Variants in TTN observed in about 807,000 individuals in gnomAD.
TTN encodes the protein connectin.
Under a neutral mutation model 3,223.0 loss-of-function variants are expected in TTN, and 1,525 were observed. That is an observed-to-expected ratio of 0.47 (90% CI 0.45 to 0.49). TTN has a LOEUF of 0.49. Among genes scored for constraint, TTN ranks in the 20% least tolerant of loss-of-function variants. The pLI is 0.00. For missense variants in TTN, 40,786 were observed against 43,424.0 expected (o/e 0.94, Z 5.40); for synonymous variants, 14,094 against 15,161.0 (o/e 0.93, Z 5.17).
rs1017956154 is a variant in TTN at position 178,633,618 on chromosome 2, C to A, written c.42741G>T (p.Glu14247Asp). 6.2e-7 allele frequency: 1 copy of A among 1,613,200 alleles called. No individual in the cohort carries two copies. The highest frequency in any genetic ancestry group is 8.5e-7 in the Non-Finnish European group (1 of 1,179,578). Residue 14247 changes from glutamate (E) to aspartate (D), a missense_variant, in exon 232 of 363, where the codon GAG becomes GAT. Coordinates refer to ENST00000589042, the MANE Select transcript of TTN (RefSeq NM_001267550.2). ...TGCTCACTTCACACTTCAAAGTAAT[C>A]TCATCCTTCTCCACTGCAGTTTTGT... ...LHDKTAVEKD[E>D]ITLKCEVSKD...
At chr2:178,646,961 G>A (rs1426960774) in intron 215 of TTN, 103 bp downstream of exon 215, 1 of 390,512 alleles carries the variant, frequency 2.6e-6, no homozygotes, top group African/African-American at 2.1e-5. Context: ...GACTGCTCTT[G>A]TATATAATTT....
Position 178,531,022 on chromosome 2 carries a change from T to C in TTN, c.105593A>G (p.Asn35198Ser). 1 of 1,613,970 alleles carries C rather than the reference T, an allele frequency of 6.2e-7. No homozygotes were observed. The highest frequency in any genetic ancestry group is 8.5e-7 in the Non-Finnish European group (1 of 1,179,884). Residue 35198 changes from asparagine to serine, a missense_variant, in exon 358 of 363, where the codon AAT becomes AGT. Asn to Ser is a conservative substitution (Grantham distance 46, BLOSUM62 1). Coordinates refer to ENST00000589042, the MANE Select transcript of TTN (RefSeq NM_001267550.2). ...ACTGTTTTCTACCACCACGCTGTAA[T>C]TGCCCTCATCGGAAGCCTGGACTGA... is the stretch of plus-strand genomic sequence containing the variant. ...ISSVQASDEG[N>S]YSVVVENSEG...
In TTN at chr2:178,617,230, G is replaced by A. The variant is rs2057504360; in HGVS notation, c.47765C>T (p.Thr15922Ile). 3 of 1,543,886 alleles carry A rather than the reference G, an allele frequency of 1.9e-6. No individual in the cohort carries two copies. The East Asian group carries it at 7.2e-5, about 37-fold the overall frequency. The change falls in exon 255 of 363, where the codon ACC (threonine) becomes ATC (isoleucine). Residue 15922 changes from threonine to isoleucine, a missense_variant. Transcript: ENST00000589042. Reference sequence around the variant, plus strand: ...ATATTTATTTCCTTTTTCCAATCCGGTAACCTACGATTATGAATTAATATT... The same window carrying A: ...ATATTTATTTCCTTTTTCCAATCCGATAACCTACGATTATGAATTAATATT... ...KLVPELTYKVTGLEKGNKYLY... is the reference protein window; with the variant it reads ...KLVPELTYKVIGLEKGNKYLY...
In TTN at chr2:178,678,445, A is replaced by G. The variant is rs2154269106; in HGVS notation, c.33879T>C (p.Ala11293=). 6.3e-7 allele frequency: 1 copy of G among 1,596,868 alleles called. No individual in the cohort carries two copies. Among genetic ancestry groups the G allele is most frequent in the East Asian group, 2.3e-5 (1 of 44,322 alleles). The change falls in exon 144 of 363, where the codon GCT becomes GCC. Residue 11293 remains alanine (A), a synonymous_variant. Transcript: ENST00000589042. The stretch of plus-strand genomic sequence containing the variant: ...CAGGTGGAGCCTCCACTTTCTTAGG[A>G]GCAGGAACTGGCACCTTCTTCTCAG... The part of the protein sequence containing the change: ...PVPEKKVPVP[A]PKKVEAPPAK...
At position 178,712,681 on chromosome 2, in the gene TTN, G is replaced by A. The variant is rs915309849; in HGVS notation, c.27328+16C>T. The stretch of plus-strand genomic sequence containing the variant: ...AATTACTAATCGTATAAATCTAGAA[G>A]AGCAGTCTGACAAACCTTTTATGTA... On this transcript the variant is annotated intron_variant, in intron 94 of 362. Transcript: ENST00000589042. The A allele has an allele frequency of 2.5e-6, 4 of 1,609,676 alleles. No homozygotes were observed. In the Admixed American group the frequency reaches 5.0e-5, roughly 20 times the overall value.
rs1181982003 is a variant in TTN, at chr2:178,589,085, C to G, written c.62640G>C (p.Arg20880Ser). 1.9e-6 allele frequency: 3 copies of G among 1,610,044 alleles called. No individual in the cohort carries two copies. The highest frequency in any genetic ancestry group is 3.3e-5 in the Admixed American group (2 of 59,954). Residue 20880 changes from arginine to serine, a missense_variant, in exon 304 of 363, where the codon AGG becomes AGC. Arg to Ser is a moderately radical substitution (Grantham distance 110). Coordinates refer to ENST00000589042, the MANE Select transcript of TTN (RefSeq NM_001267550.2). ...NLKIVDVSSD[R>S]CTVCWDPPED... ...CTGGTGGATCCCAGCAAACAGTACA[C>G]CTATCACTGGACACATCAACAATTT...
chr2:178,769,028 G>T (rs2091025590), intron 37 of TTN, 95 bp from the exon 38 acceptor site: 2 of 1,402,186 alleles, frequency 1.4e-6, no homozygotes, highest in Admixed American at 1.8e-5. Context: ...AATGTTTTTA[G>T]TGCGTCTGTT....
chr2:178,599,246 C>T lies in TTN; in HGVS notation c.56547G>A (p.Leu18849=). 3 of 1,557,226 alleles carry T rather than the reference C, an allele frequency of 1.9e-6. No homozygotes were observed. The highest frequency in any genetic ancestry group is 4.5e-5 in the East Asian group (2 of 44,086). The part of the protein sequence containing the change: ...PKECTYTIPK[L]LEGHEYVFRI... ...GGAATACATATTCATGGCCTTCTAG[C>T]AATTTGGGAATCGTGTACGTGCACT... The change falls in exon 290 of 363, where the codon TTG becomes TTA. Residue 18849 remains leucine (L), a synonymous_variant. Transcript: ENST00000589042.
Position 178,592,427 on chromosome 2 carries a change from C to T in TTN, c.59578G>A (p.Glu19860Lys). ...EDGGIYSLTV[E>K]NPAGSKTVSV... Reference sequence around the variant, plus strand: ...ACAGTTTTTGAACCAGCTGGATTCTCCACTGTTAAAGAATAAATTCCACCA... The same window carrying T: ...ACAGTTTTTGAACCAGCTGGATTCTTCACTGTTAAAGAATAAATTCCACCA... Residue 19860 changes from glutamate (E) to lysine (K), a missense_variant, in exon 301 of 363, where the codon GAG becomes AAG. By Grantham distance (56) the Glu-to-Lys change is moderately conservative. Coordinates refer to ENST00000589042, the MANE Select transcript of TTN (RefSeq NM_001267550.2). 2.5e-6 allele frequency: 4 copies of T among 1,613,408 alleles called. No individual in the cohort carries two copies. The highest frequency in any genetic ancestry group is 3.4e-6 in the Non-Finnish European group (4 of 1,179,580).
chr2:178,615,163 C>T, intron 259 of TTN, 144 bp downstream of exon 259: 1 of 1,086,754 alleles, frequency 9.2e-7, no homozygotes, highest in Non-Finnish European at 1.3e-6. Context: ...GCAGTACATT[C>T]AGCAGCACCT....
At position 178,617,908 on chromosome 2, in the gene TTN, C is replaced by T. The variant is rs1429370972; in HGVS notation, c.47443G>A (p.Asp15815Asn). Residue 15815 changes from aspartate to asparagine, a missense_variant, in exon 253 of 363, where the codon GAC (aspartate) becomes AAC (asparagine). Transcript: ENST00000589042. ...WDTAMTVRAE[D>N]LSATVTDVVE... ...ACATCAGTAACAGTTGCAGACAGGT[C>T]TTCAGCTCTCACAGTCATGGCAGTA... is the stretch of plus-strand genomic sequence containing the variant. 3.7e-6 allele frequency: 6 copies of T among 1,612,700 alleles called. No homozygotes were observed. Among genetic ancestry groups the T allele is most frequent in the Non-Finnish European group, 5.1e-6 (6 of 1,179,096 alleles).
rs1039995106 is a variant in TTN at position 178,546,836 on chromosome 2, G to T, written c.94592C>A (p.Ala31531Glu). Residue 31531 changes from alanine (A) to glutamate (E), a missense_variant, in exon 341 of 363, where the codon GCG (alanine) becomes GAG (glutamate). Ala to Glu is a moderately radical substitution (Grantham distance 107). Coordinates refer to ENST00000589042, the MANE Select transcript of TTN (RefSeq NM_001267550.2). ...STVSLIWSAP[A>E]YDGGSKVVGY... Reference sequence around the variant, plus strand: ...CACAACCTTGCTGCCTCCATCATACGCTGGGGCAGACCAAATCAGTGATAC... The same window carrying T: ...CACAACCTTGCTGCCTCCATCATACTCTGGGGCAGACCAAATCAGTGATAC... 21 of 1,608,174 alleles carry T rather than the reference G, an allele frequency of 1.3e-5. No individual in the cohort carries two copies. Among genetic ancestry groups the T allele is most frequent in the Admixed American group, 6.7e-5 (4 of 59,870 alleles).
rs560347347 is a variant in TTN at position 178,572,444 on chromosome 2, C to G, written c.73688G>C (p.Arg24563Thr). 6.2e-7 allele frequency: 1 copy of G among 1,612,546 alleles called. No homozygotes were observed. Among genetic ancestry groups the G allele is most frequent in the East Asian group, 2.2e-5 (1 of 44,710 alleles). The change falls in exon 326 of 363, where the codon AGA becomes ACA. Residue 24563 changes from arginine to threonine, a missense_variant. Arg to Thr is a moderately conservative substitution (Grantham distance 71). Transcript: ENST00000589042. Reference sequence around the variant, plus strand: ...TGTTGCAACAGTTGAATATGCTTTTCTTGTTGATTCCCGCTTTTCAACAAT... The same window carrying G: ...TGTTGCAACAGTTGAATATGCTTTTGTTGTTGATTCCCGCTTTTCAACAAT... ...NYIVEKREST[R>T]KAYSTVATNC...
At chr2:178,778,569 C>T (rs1298421356) in intron 24 of TTN, 1 of 396,032 alleles carries the variant, frequency 2.5e-6, no homozygotes, top group Non-Finnish European at 4.7e-6. Flanking sequence ...CAATAATAGT[C>T]ATCTTTTTAT....
At chr2:178,639,111 A>G (rs2060892240) in intron 223 of TTN, among the ~76,000 whole-genome samples, 1 of 152,056 alleles carries the variant, frequency 6.6e-6, no homozygotes, top group Admixed American at 6.6e-5. Context: ...AATTCCTTAT[A>G]CAGATTAAAA....
In TTN at chr2:178,618,036, C is replaced by T. The variant is rs72677233; in HGVS notation, c.47315G>A (p.Arg15772Gln). 4,480 of 1,612,390 alleles carry T rather than the reference C, an allele frequency of 2.8e-3. 17 individuals carry two copies. The highest frequency in any genetic ancestry group is 0.012 in the Middle Eastern group (74 of 6,048). The change falls in exon 253 of 363, where the codon CGA becomes CAA. Residue 15772 changes from arginine to glutamine, a missense_variant. Arg to Gln is a conservative substitution (Grantham distance 43). Transcript: ENST00000589042. ...PLNVTITDVN[R>Q]FGVSLTWEPP... The stretch of plus-strand genomic sequence containing the variant: ...TTCCCATGTCAGTGAGACACCAAAT[C>T]GATTCACATCAGTGATGGTTACATT...
intron 43 of TTN, chr2:178,760,838 T>G (rs1270435360): frequency 7.6e-6 from 1 of 131,110 alleles, no homozygotes; most frequent in African/African-American, 2.8e-5. Context: ...CTATTTAGTT[T>G]GTGTGAAGGG....
In TTN at chr2:178,609,327, T is replaced by C. The variant is rs1268313785; in HGVS notation, c.51983A>G (p.Lys17328Arg). 2 of 1,610,448 alleles carry C rather than the reference T, an allele frequency of 1.2e-6. No individual in the cohort carries two copies. The highest frequency in any genetic ancestry group is 8.5e-7 in the Non-Finnish European group (1 of 1,178,278). Residue 17328 changes from lysine to arginine, a missense_variant, in exon 273 of 363, where the codon AAA becomes AGA. Coordinates refer to ENST00000589042, the MANE Select transcript of TTN (RefSeq NM_001267550.2). ...LTQRLSIDNS[K>R]KGESQLRVRD... is the part of the protein sequence containing the mutation. Reference sequence around the variant, plus strand: ...GACGCGTAGCTGAGATTCTCCCTTTTTGCTGTTGTCAATACTCAAACGCTG... The same window carrying C: ...GACGCGTAGCTGAGATTCTCCCTTTCTGCTGTTGTCAATACTCAAACGCTG...
Position 178,568,419 on chromosome 2 carries a change from C to T in TTN, c.77713G>A (p.Ala25905Thr), listed in dbSNP as rs1019296317. ...TTCCAAGATAATGTAATACTTTCAGCACTGACGTCATCAAATTTAACAGGT... is the reference window on the plus strand; with the variant it reads ...TTCCAAGATAATGTAATACTTTCAGTACTGACGTCATCAAATTTAACAGGT... ...KGPVKFDDVS[A>T]ESITLSWNPP... is the part of the protein sequence containing the mutation. The change falls in exon 326 of 363, where the codon GCT becomes ACT. Residue 25905 changes from alanine (A) to threonine (T), a missense_variant. By Grantham distance (58) the Ala-to-Thr change is moderately conservative. Coordinates refer to ENST00000589042, the MANE Select transcript of TTN (RefSeq NM_001267550.2). 5 of 1,613,102 alleles carry T rather than the reference C, an allele frequency of 3.1e-6. No individual in the cohort carries two copies. The highest frequency in any genetic ancestry group is 2.7e-5 in the African/African-American group (2 of 74,880).
Sources: allele counts gnomAD v4.1 joint callset (sites outside exome capture counted in the v4.1 genomes callset), GRCh38; gene constraint gnomAD v4.1.1; transcripts MANE v1.5; gene names NCBI Gene and HGNC (gene_info 2026-07-23, HGNC 2026-07-21).